The following TPD52L1 variants were observed in gnomAD, a reference collection of about 807,000 sequenced individuals.
TPD52L1 encodes tumor protein D53.
In TPD52L1, 18 loss-of-function variants were observed where a neutral mutation model predicts 28.7. That is an observed-to-expected ratio of 0.63 (90% confidence interval 0.43 to 0.93). TPD52L1 has a LOEUF of 0.93. Among genes scored for constraint, TPD52L1 ranks in the 40% least tolerant of loss-of-function variants. The pLI, the probability that TPD52L1 is intolerant of heterozygous loss-of-function variation, is 0.00. For synonymous variants in TPD52L1, 75 were observed against 88.8 expected (o/e 0.84, Z 0.88); for missense variants, 203 against 254.8 (o/e 0.80, Z 1.39).
At chr6:125,162,247 A>T (rs183083525) in intron 1 of TPD52L1, among the ~76,000 whole-genome samples, 1 of 152,324 alleles carries the variant, frequency 6.6e-6, no homozygotes, top group East Asian at 1.9e-4. Context: ...ATTTGCAACA[A>T]ATCATATACC....
rs889026982 is a variant in TPD52L1 at position 125,263,589 on chromosome 6, C to T, written c.*627C>T. ...CAACTTTTAGCCAGGTGCGGCGGCT[C>T]ACACCTGTAATCCCAACTATTTTGG... On this transcript the variant is annotated 3_prime_UTR_variant, in exon 7 of 7. Coordinates refer to ENST00000534000, the MANE Select transcript of TPD52L1 (RefSeq NM_003287.4). 2.0e-5 allele frequency: 3 copies of T among 152,666 alleles called. No individual in the cohort carries two copies. The South Asian group carries it at 5.7e-4, about 29-fold the overall frequency. 9.5% of individuals were successfully genotyped at this position (152,666 alleles called of 1,614,324 possible).
chr6:125,236,593 T>C (rs1465967697), intron 3 of TPD52L1, among the ~76,000 whole-genome samples: 3 of 152,232 alleles, frequency 2.0e-5, no homozygotes, highest in African/African-American at 7.2e-5. Context: ...GGTCTAATTG[T>C]AAGAATTCTT....
At chr6:125,200,867 G>A (rs1793760650) in intron 1 of TPD52L1, among the ~76,000 whole-genome samples, 1 of 152,176 alleles carries the variant, frequency 6.6e-6, no homozygotes, top group Admixed American at 6.5e-5. Context: ...ATATTGTGAG[G>A]GTGGCCAACT....
intron 1 of TPD52L1, among the ~76,000 whole-genome samples, chr6:125,179,567 T>C (rs1028885844): frequency 2.6e-5 from 4 of 152,208 alleles, no homozygotes; most frequent in African/African-American, 9.7e-5. Flanking sequence ...AAGCAGATAG[T>C]CCCTTTCCCT....
At chr6:125,204,418 T>C (rs1793979043) in intron 1 of TPD52L1, among the ~76,000 whole-genome samples, 1 of 152,212 alleles carries the variant, frequency 6.6e-6, no homozygotes, top group Non-Finnish European at 1.5e-5. Flanking sequence ...GTTGCAAGTC[T>C]TGGTTATTTT....
intron 1 of TPD52L1, among the ~76,000 whole-genome samples, chr6:125,170,659 T>C (rs1448313255): frequency 6.6e-6 from 1 of 152,120 alleles, no homozygotes; most frequent in Non-Finnish European, 1.5e-5. Context: ...TAAATTGTCT[T>C]TTGTCTATGA....
Position 125,252,035 on chromosome 6 carries a change from G to A in TPD52L1, c.387-1682G>A, listed in dbSNP as rs775242633. The A allele has an allele frequency of 1.4e-5, 22 of 1,535,928 alleles. No homozygotes were observed. The East Asian group carries it at 1.7e-4, about 12-fold the overall frequency. ...TCCGGGCTGCAGGTCTCACTCCATC[G>A]GGTAAGCGCCACAGGGCTGCGTGTG... On this transcript the variant is annotated intron_variant, in intron 4 of 6. Transcript: ENST00000534000.
intron 1 of TPD52L1, among the ~76,000 whole-genome samples, chr6:125,198,823 T>C (rs2114888915): frequency 6.6e-6 from 1 of 152,162 alleles, no homozygotes; most frequent in South Asian, 2.1e-4. Flanking sequence ...ACGGGATGAG[T>C]ACTACTCGTA....
At chr6:125,227,503 C>T (rs1203988449) in intron 2 of TPD52L1, among the ~76,000 whole-genome samples, 1 of 152,122 alleles carries the variant, frequency 6.6e-6, no homozygotes, top group East Asian at 1.9e-4. Context: ...TGACACTTTA[C>T]AGTAAATGAG....
At chr6:125,185,931 T>C (rs1021830474) in intron 1 of TPD52L1, among the ~76,000 whole-genome samples, 1 of 147,244 alleles carries the variant, frequency 6.8e-6, no homozygotes, top group African/African-American at 2.5e-5. Context: ...TCTCACTCTG[T>C]CGCCCCAGCT....
At chr6:125,232,296 A>G (rs1236142096) in intron 3 of TPD52L1, among the ~76,000 whole-genome samples, 1 of 152,152 alleles carries the variant, frequency 6.6e-6, no homozygotes, top group East Asian at 1.9e-4. Context: ...TATCAACCAT[A>G]TAATTTGGGG....
intron 2 of TPD52L1, 138 bp from the exon 3 acceptor site, chr6:125,228,980 G>A (rs1285310273): frequency 1.5e-6 from 1 of 681,180 alleles, no homozygotes; most frequent in East Asian, 3.0e-5. Flanking sequence ...CATCTGTATG[G>A]GGTGTATTTG....
At chr6:125,216,042 G>A (rs773320163) in intron 1 of TPD52L1, among the ~76,000 whole-genome samples, 1 of 152,140 alleles carries the variant, frequency 6.6e-6, no homozygotes, top group Non-Finnish European at 1.5e-5. Flanking sequence ...GCAGGGGTGG[G>A]GTGGAGCTTA....
chr6:125,173,952 AGTG>A lies in TPD52L1; in HGVS notation c.19+19983_19+19985del, dbSNP rs551007842. Among the ~76,000 whole-genome samples, 57 of 152,330 alleles carry A rather than the reference AGTG, an allele frequency of 3.7e-4. No individual in the cohort carries two copies. In the South Asian group the frequency reaches 4.4e-3, roughly 12 times the overall value. The stretch of plus-strand genomic sequence containing the variant: ...CTGTCACATAAAGGGATCCTAGTCT[AGTG>A]ACAAAGAGCCTACATGTTGTCACAA... On this transcript the variant is annotated intron_variant, in intron 1 of 6. Transcript: ENST00000534000.
intron 1 of TPD52L1, among the ~76,000 whole-genome samples, chr6:125,216,460 G>A (rs904395368): frequency 1.4e-5 from 2 of 142,404 alleles, no homozygotes; most frequent in African/African-American, 2.7e-5. Context: ...CTTTACACAC[G>A]AAAAGATATT....
chr6:125,174,403 T>A (rs1160796788), intron 1 of TPD52L1, among the ~76,000 whole-genome samples: 2 of 152,186 alleles, frequency 1.3e-5, no homozygotes, highest in Non-Finnish European at 2.9e-5. Flanking sequence ...AAGTTAAAAA[T>A]AGCTTTCTGG....
chr6:125,154,240 G>A (rs1386287534), intron 1 of TPD52L1: 1 of 1,257,630 alleles, frequency 8.0e-7, no homozygotes, highest in Non-Finnish European at 1.0e-6. Flanking sequence ...ACCCTCTTCC[G>A]CAGCCAGTCG....
rs113307460 is a variant in TPD52L1 at position 125,187,184 on chromosome 6, G to A, written c.20-32894G>A. ...AGAGAGCAAAAATAACTGGCCAGCC[G>A]TGTATGAAAAGTCTTAACTATATAA... On this transcript the variant is annotated intron_variant, in intron 1 of 6. Transcript: ENST00000534000. Among the ~76,000 whole-genome samples the A allele has an allele frequency of 7.8e-4, 118 of 152,252 alleles. 1 individual carries two copies. Among genetic ancestry groups the A allele is most frequent in the African/African-American group, 1.4e-3 (60 of 41,560 alleles).
chr6:125,216,436 A>G (rs1223130498), intron 1 of TPD52L1, among the ~76,000 whole-genome samples: 1 of 151,090 alleles, frequency 6.6e-6, no homozygotes, highest in African/African-American at 2.4e-5. Context: ...AAATATATAA[A>G]TGTATATGTG....
Sources: allele counts gnomAD v4.1 joint callset (sites outside exome capture counted in the v4.1 genomes callset), GRCh38; gene constraint gnomAD v4.1.1; transcripts MANE v1.5; gene names NCBI Gene and HGNC (gene_info 2026-07-23, HGNC 2026-07-21).